MAGEE1: variants seen among roughly 807,000 people sequenced by gnomAD.
MAGEE1 encodes the protein melanoma-associated antigen E1.
Under a neutral mutation model 12.0 loss-of-function variants are expected in MAGEE1, and 3 were observed. That is an observed-to-expected ratio of 0.25 (90% CI 0.11 to 0.65). MAGEE1 has a LOEUF of 0.65. MAGEE1 is among the 30% of genes least tolerant of loss of function. The pLI is 0.84. For synonymous variants in MAGEE1, 414 were observed against 326.1 expected (o/e 1.27, Z -2.91); for missense variants, 729 against 772.2 (o/e 0.94, Z 0.66).
rs782646202 is a variant in MAGEE1, at chrX:76,429,533, C to G, written c.1603C>G (p.Arg535Gly). Residue 535 changes from arginine (R) to glycine (G), a missense_variant, in exon 1 of 1, where the codon CGA (arginine) becomes GGA (glycine). By Grantham distance (125) the Arg-to-Gly change is moderately radical. Transcript: ENST00000361470. ...CAACCAGTTTCCTGAGATACTCAGG[C>G]GAGCAGCAGCCCACCTGGAGTGCAT... ...YRNQFPEILR[R>G]AAAHLECIFR... 1 of 1,211,353 alleles carries G rather than the reference C, an allele frequency of 8.3e-7. No homozygotes were observed. Among genetic ancestry groups the G allele is most frequent in the South Asian group, 1.8e-5 (1 of 56,927 alleles).
Position 76,428,127 on chromosome X carries a change from C to T in MAGEE1, c.197C>T (p.Thr66Ile). ...QGLCASEGPS[T>I]SVLPTSAEGP... ...CTCTGCGCCTCTGAGGGCCCAAGCACCTCCGTTCTGCCCACCTCCGCTGAG... is the reference window on the plus strand; with the variant it reads ...CTCTGCGCCTCTGAGGGCCCAAGCATCTCCGTTCTGCCCACCTCCGCTGAG... The change falls in exon 1 of 1, where the codon ACC (threonine) becomes ATC (isoleucine). Residue 66 changes from threonine (T) to isoleucine (I), a missense_variant. By Grantham distance (89) the Thr-to-Ile change is moderately conservative. Around this residue, in one of 4 missense-constraint regions of MAGEE1, gnomAD observed 473 missense variants for 423.7 expected, o/e 1.12. Coordinates refer to ENST00000361470, the MANE Select transcript of MAGEE1 (RefSeq NM_020932.3). 8.4e-7 allele frequency: 1 copy of T among 1,195,756 alleles called. No individual in the cohort carries two copies. The highest frequency in any genetic ancestry group is 1.1e-6 in the Non-Finnish European group (1 of 887,322).
At position 76,430,547 on chromosome X, in the gene MAGEE1, G is replaced by T. The variant is rs982398831; in HGVS notation, c.2617G>T (p.Val873Leu). Reference sequence around the variant, plus strand: ...AGGGGTTCAAGCTGGGAGAAAGCATGTGATTACCTGCAGATACTTGAGTCA... The same window carrying T: ...AGGGGTTCAAGCTGGGAGAAAGCATTTGATTACCTGCAGATACTTGAGTCA... ...GLGVQAGRKH[V>L]ITCRYLSQRY... Residue 873 changes from valine (V) to leucine (L), a missense_variant, in exon 1 of 1, where the codon GTG (valine) becomes TTG (leucine). Physicochemically the swap from Val to Leu is conservative, Grantham distance 32. Transcript: ENST00000361470. The T allele has an allele frequency of 1.7e-6, 2 of 1,210,789 alleles. No homozygotes were observed. The highest frequency in any genetic ancestry group is 4.3e-5 in the Admixed American group (2 of 45,978).
chrX:76,430,009 A>T lies in MAGEE1; in HGVS notation c.2079A>T (p.Glu693Asp). Residue 693 changes from glutamate to aspartate, a missense_variant, in exon 1 of 1, where the codon GAA becomes GAT. By Grantham distance (45) the Glu-to-Asp change is conservative. Coordinates refer to ENST00000361470, the MANE Select transcript of MAGEE1 (RefSeq NM_020932.3). The part of the protein sequence containing the change: ...WPEKYNEALE[E>D]DAARAFAEGW... ...AGAAATACAACGAAGCTCTGGAAGAAGATGCTGCCAGAGCCTTTGCTGAGG... is the reference window on the plus strand; with the variant it reads ...AGAAATACAACGAAGCTCTGGAAGATGATGCTGCCAGAGCCTTTGCTGAGG... 8.3e-7 allele frequency: 1 copy of T among 1,209,202 alleles called. No individual in the cohort carries two copies. The highest frequency in any genetic ancestry group is 1.8e-5 in the South Asian group (1 of 56,511).
rs782183575 is a variant in MAGEE1 at position 76,427,972 on chromosome X, C to T, written c.42C>T (p.Arg14=). ...VSQNSRRRRR[R]VAKATAHNSS... is the part of the protein sequence containing the mutation. ...AGAATTCGCGCCGCCGCCGCCGCCG[C>T]GTTGCAAAGGCTACTGCGCACAACA... is the stretch of plus-strand genomic sequence containing the variant. Residue 14 remains arginine, a synonymous_variant, in exon 1 of 1, where the codon CGC becomes CGT. Transcript: ENST00000361470. 1.3e-5 allele frequency: 16 copies of T among 1,204,475 alleles called. No individual in the cohort carries two copies. In the Admixed American group the frequency reaches 3.6e-4, roughly 27 times the overall value.
rs1923354097 is a variant in MAGEE1 at position 76,430,493 on chromosome X, T to A, written c.2563T>A (p.Ser855Thr). Reference sequence around the variant, plus strand: ...TATTATGGGCAACCATGCCAGGGAGTCTGCAGTCTGGGCCTTTCTGCGGGG... The same window carrying A: ...TATTATGGGCAACCATGCCAGGGAGACTGCAGTCTGGGCCTTTCTGCGGGG... ...IFIMGNHARE[S>T]AVWAFLRGLG... Residue 855 changes from serine to threonine, a missense_variant, in exon 1 of 1, where the codon TCT becomes ACT. This residue lies in a region of MAGEE1 where 101 missense variants were observed against 161.3 expected (regional missense o/e 0.63). Transcript: ENST00000361470. 1 of 1,205,666 alleles carries A rather than the reference T, an allele frequency of 8.3e-7. No individual in the cohort carries two copies. Among genetic ancestry groups the A allele is most frequent in the Admixed American group, 2.2e-5 (1 of 45,361 alleles).
In MAGEE1 at chrX:76,430,403, G is replaced by A. The variant is rs1556839911; in HGVS notation, c.2473G>A (p.Glu825Lys). The change falls in exon 1 of 1, where the codon GAG (glutamate) becomes AAG (lysine). Residue 825 changes from glutamate to lysine, a missense_variant. By Grantham distance (56) the Glu-to-Lys change is moderately conservative. This residue lies in a region of MAGEE1 where 101 missense variants were observed against 161.3 expected (regional missense o/e 0.63). Transcript: ENST00000361470. Reference protein sequence around the residue: ...YNRREMEETEEIVDSPNRPGN... With the variant: ...YNRREMEETEKIVDSPNRPGN... ...CCGAAGGGAGATGGAAGAAACTGAG[G>A]AGATCGTAGACAGTCCAAACAGGCC... is the stretch of plus-strand genomic sequence containing the variant. 1 of 1,211,596 alleles carries A rather than the reference G, an allele frequency of 8.3e-7. No individual in the cohort carries two copies. The highest frequency in any genetic ancestry group is 1.8e-5 in the South Asian group (1 of 56,972).
At position 76,430,426 on chromosome X, in the gene MAGEE1, G is replaced by A. The variant is rs142086969; in HGVS notation, c.2496G>A (p.Arg832=). 631 of 1,209,633 alleles carry A rather than the reference G, an allele frequency of 5.2e-4. 3 individuals are homozygous for A. The African/African-American group carries it at 9.6e-3, about 18-fold the overall frequency. ...AGGAGATCGTAGACAGTCCAAACAG[G>A]CCTGGCAACAACTTTTTGATGCAGG... is the stretch of plus-strand genomic sequence containing the variant. ...ETEEIVDSPN[R]PGNNFLMQVL... is the part of the protein sequence containing the mutation. Residue 832 remains arginine, a synonymous_variant, in exon 1 of 1, where the codon AGG becomes AGA. Coordinates refer to ENST00000361470, the MANE Select transcript of MAGEE1 (RefSeq NM_020932.3).
rs1923328445 is a variant in MAGEE1 at position 76,429,427 on chromosome X, G to A, written c.1497G>A (p.Leu499=). The change falls in exon 1 of 1, where the codon TTG becomes TTA. Residue 499 remains leucine, a synonymous_variant. Coordinates refer to ENST00000361470, the MANE Select transcript of MAGEE1 (RefSeq NM_020932.3). ...DPMEQNVAEL[L]QFLLVKDQSK... is the part of the protein sequence containing the mutation. ...TGGAACAGAACGTAGCTGAGCTGTT[G>A]CAGTTCCTGCTGGTGAAGGATCAGA... is the stretch of plus-strand genomic sequence containing the variant. The A allele has an allele frequency of 8.3e-7, 1 of 1,212,016 alleles. No individual in the cohort carries two copies. Among genetic ancestry groups the A allele is most frequent in the Non-Finnish European group, 1.1e-6 (1 of 895,610 alleles).
In MAGEE1 at chrX:76,430,236, A is replaced by G. The variant is rs782195698; in HGVS notation, c.2306A>G (p.Lys769Arg). 36 of 1,210,299 alleles carry G rather than the reference A, an allele frequency of 3.0e-5. No individual in the cohort carries two copies. Among genetic ancestry groups the G allele is most frequent in the Non-Finnish European group, 3.8e-5 (34 of 895,354 alleles). Residue 769 changes from lysine to arginine, a missense_variant, in exon 1 of 1, where the codon AAA becomes AGA. Physicochemically the swap from Lys to Arg is conservative, Grantham distance 26. This residue lies in a region of MAGEE1 where 101 missense variants were observed against 161.3 expected (regional missense o/e 0.63). Transcript: ENST00000361470. ...MDSTKLPIPKKGILYYIGREC... is the reference protein window; with the variant it reads ...MDSTKLPIPKRGILYYIGREC... ...TCAACTAAGCTGCCTATACCAAAGA[A>G]AGGAATTCTGTACTACATTGGCCGA... is the stretch of plus-strand genomic sequence containing the variant.
rs1923241024 is a variant in MAGEE1, at chrX:76,427,854, C to T, written c.-77C>T. 6 of 1,085,709 alleles carry T rather than the reference C, an allele frequency of 5.5e-6. No homozygotes were observed. Among genetic ancestry groups the T allele is most frequent in the Non-Finnish European group, 6.2e-6 (5 of 811,975 alleles). 89.5% of individuals were successfully genotyped at this position (1,085,709 alleles called of 1,213,427 possible). ...CGGCAGTTTTGTGCCGAGGCACCTA[C>T]ACACCTCCCGTCCTCTCTGCCAGAT... On this transcript the variant is annotated 5_prime_UTR_variant, in exon 1 of 1. Coordinates refer to ENST00000361470, the MANE Select transcript of MAGEE1 (RefSeq NM_020932.3).
At position 76,429,504 on chromosome X, in the gene MAGEE1, A is replaced by T. The variant is rs1247252191; in HGVS notation, c.1574A>T (p.Tyr525Phe). The change falls in exon 1 of 1, where the codon TAT becomes TTT. Residue 525 changes from tyrosine (Y) to phenylalanine (F), a missense_variant. By Grantham distance (22) the Tyr-to-Phe change is conservative. Coordinates refer to ENST00000361470, the MANE Select transcript of MAGEE1 (RefSeq NM_020932.3). ...ATGCGGGAATATATTGTTAAAGAATATCGCAACCAGTTTCCTGAGATACTC... is the reference window on the plus strand; with the variant it reads ...ATGCGGGAATATATTGTTAAAGAATTTCGCAACCAGTTTCCTGAGATACTC... ...SEMREYIVKE[Y>F]RNQFPEILRR... 21 of 1,209,907 alleles carry T rather than the reference A, an allele frequency of 1.7e-5. No homozygotes were observed. The highest frequency in any genetic ancestry group is 2.2e-5 in the Non-Finnish European group (20 of 895,316).
chrX:76,430,267 C>T lies in MAGEE1; in HGVS notation c.2337C>T (p.Cys779=). Residue 779 remains cysteine (C), a synonymous_variant, in exon 1 of 1, where the codon TGC becomes TGT. Coordinates refer to ENST00000361470, the MANE Select transcript of MAGEE1 (RefSeq NM_020932.3). ...KGILYYIGRE[C]SKVFPDLLNR... is the part of the protein sequence containing the mutation. ...TTCTGTACTACATTGGCCGAGAGTGCAGCAAAGTGTTCCCTGACCTCCTGA... is the reference window on the plus strand; with the variant it reads ...TTCTGTACTACATTGGCCGAGAGTGTAGCAAAGTGTTCCCTGACCTCCTGA... The T allele has an allele frequency of 8.3e-7, 1 of 1,212,075 alleles. No homozygotes were observed. The highest frequency in any genetic ancestry group is 1.1e-6 in the Non-Finnish European group (1 of 895,614).
rs1162125460 is a variant in MAGEE1, at chrX:76,430,549, G to A, written c.2619G>A (p.Val873=). The part of the protein sequence containing the change: ...GLGVQAGRKH[V]ITCRYLSQRY... The stretch of plus-strand genomic sequence containing the variant: ...GGGTTCAAGCTGGGAGAAAGCATGT[G>A]ATTACCTGCAGATACTTGAGTCAGC... The change falls in exon 1 of 1, where the codon GTG becomes GTA. Residue 873 remains valine, a synonymous_variant. Transcript: ENST00000361470. 1 of 1,208,923 alleles carries A rather than the reference G, an allele frequency of 8.3e-7. No individual in the cohort carries two copies. Among genetic ancestry groups the A allele is most frequent in the East Asian group, 3.0e-5 (1 of 33,755 alleles).
At position 76,430,873 on chromosome X, in the gene MAGEE1, G is replaced by T. The variant is rs1556840015; in HGVS notation, c.*69G>T. The T allele has an allele frequency of 4.1e-5, 26 of 635,102 alleles. 1 individual carries two copies. Among genetic ancestry groups the T allele is most frequent in the Non-Finnish European group, 1.2e-5 (5 of 428,604 alleles). The allele number at this position is 635,102 out of a possible 1,213,427, so 52.3% of individuals were successfully genotyped here. A position where few individuals can be genotyped will look rare whatever the true frequency, so the allele number is the denominator to read the frequency against. ...TGAGCCTCAGTTCTCATGTATTGGG[G>T]GGTGGGGGTGGGTACATATTGTATT... On this transcript the variant is annotated 3_prime_UTR_variant, in exon 1 of 1. Coordinates refer to ENST00000361470, the MANE Select transcript of MAGEE1 (RefSeq NM_020932.3).
At position 76,428,642 on chromosome X, in the gene MAGEE1, C is replaced by T. The variant is rs782355541; in HGVS notation, c.712C>T (p.Pro238Ser). 5.0e-6 allele frequency: 6 copies of T among 1,208,184 alleles called. No homozygotes were observed. The South Asian group carries it at 5.3e-5, about 11-fold the overall frequency. Residue 238 changes from proline to serine, a missense_variant, in exon 1 of 1, where the codon CCC (proline) becomes TCC (serine). Pro to Ser is a moderately conservative substitution (Grantham distance 74). Coordinates refer to ENST00000361470, the MANE Select transcript of MAGEE1 (RefSeq NM_020932.3). The stretch of plus-strand genomic sequence containing the variant: ...TGAGGGACCGAGCACCTCCGTGCCG[C>T]CCACCGCCACTGAGGGCCTAAGCAC... ...PDEGPSTSVP[P>S]TATEGLSTPV...
At position 76,428,545 on chromosome X, in the gene MAGEE1, T is replaced by A; in HGVS notation, c.615T>A (p.Gly205=). 8.3e-7 allele frequency: 1 copy of A among 1,208,528 alleles called. No homozygotes were observed. The highest frequency in any genetic ancestry group is 1.1e-6 in the Non-Finnish European group (1 of 894,492). ...GPSTSVLPTP[G]EGPGTSVPLA... Reference sequence around the variant, plus strand: ...GCACCTCCGTGCTGCCTACACCTGGTGAGGGACCAGGCACCTCCGTGCCGC... The same window carrying A: ...GCACCTCCGTGCTGCCTACACCTGGAGAGGGACCAGGCACCTCCGTGCCGC... The change falls in exon 1 of 1, where the codon GGT becomes GGA. Residue 205 remains glycine (G), a synonymous_variant. Transcript: ENST00000361470.
Position 76,428,559 on chromosome X carries a change from C to T in MAGEE1, c.629C>T (p.Thr210Ile), listed in dbSNP as rs1556839334. The T allele has an allele frequency of 8.3e-7, 1 of 1,208,941 alleles. No homozygotes were observed. The highest frequency in any genetic ancestry group is 2.2e-5 in the Admixed American group (1 of 45,917). Reference sequence around the variant, plus strand: ...CCTACACCTGGTGAGGGACCAGGCACCTCCGTGCCGCTCGCCGCCACTGAG... The same window carrying T: ...CCTACACCTGGTGAGGGACCAGGCATCTCCGTGCCGCTCGCCGCCACTGAG... Reference protein sequence around the residue: ...VLPTPGEGPGTSVPLAATEGL... With the variant: ...VLPTPGEGPGISVPLAATEGL... The change falls in exon 1 of 1, where the codon ACC becomes ATC. Residue 210 changes from threonine to isoleucine, a missense_variant. Coordinates refer to ENST00000361470, the MANE Select transcript of MAGEE1 (RefSeq NM_020932.3).
Position 76,430,787 on chromosome X carries a change from G to A in MAGEE1, c.2857G>A (p.Val953Ile). ...TGATGTTGGGCACAGGCAAATCTTT[G>A]TTCACAACTTCAGGTAGAGGAATGC... ...RADVGHRQIF[V>I]HNFR The change falls in exon 1 of 1, where the codon GTT (valine) becomes ATT (isoleucine). Residue 953 changes from valine (V) to isoleucine (I), a missense_variant. By Grantham distance (29) the Val-to-Ile change is conservative. Coordinates refer to ENST00000361470, the MANE Select transcript of MAGEE1 (RefSeq NM_020932.3). 2 of 1,062,913 alleles carry A rather than the reference G, an allele frequency of 1.9e-6. No individual in the cohort carries two copies. Among genetic ancestry groups the A allele is most frequent in the Non-Finnish European group, 2.5e-6 (2 of 803,756 alleles). The allele number at this position is 1,062,913 out of a possible 1,213,427, so 87.6% of individuals were successfully genotyped here. A position where few individuals can be genotyped will look rare whatever the true frequency, so the allele number is the denominator to read the frequency against.
chrX:76,430,967 T>C lies in MAGEE1; in HGVS notation c.*163T>C. The C allele has an allele frequency of 2.3e-6, 1 of 434,142 alleles. No individual in the cohort carries two copies. Among genetic ancestry groups the C allele is most frequent in the East Asian group, 3.8e-5 (1 of 26,380 alleles). The allele number at this position is 434,142 out of a possible 1,213,427, so 35.8% of individuals were successfully genotyped here. ...TTCTGGTGTGGTGTCTGGAAATGTT[T>C]CAACTGTTTTAATATATTGTCTGAT... On this transcript the variant is annotated 3_prime_UTR_variant, in exon 1 of 1. Transcript: ENST00000361470.
Sources: allele counts gnomAD v4.1 joint callset, GRCh38; gene constraint gnomAD v4.1.1; regional missense constraint gnomAD v4.1.1; transcripts MANE v1.5; gene names NCBI Gene and HGNC (gene_info 2026-07-23, HGNC 2026-07-21).